CACNA1C: variants seen among roughly 807,000 people sequenced by gnomAD.
The protein encoded by CACNA1C is calcium voltage-gated channel subunit alpha1 C.
In CACNA1C, 30 loss-of-function variants were observed where a neutral mutation model predicts 229.0. The observed-to-expected ratio is 0.13, with a 90% CI of 0.10 to 0.18. CACNA1C has a LOEUF of 0.18. Ranked by LOEUF, CACNA1C falls within the 10% of genes least tolerant of loss-of-function variation. CACNA1C has a pLI of 1.00. For missense variants in CACNA1C, 1,658 were observed against 2,845.0 expected (o/e 0.58, Z 9.49); for synonymous variants, 1,114 against 1,132.5 (o/e 0.98, Z 0.33).
chr12:2,004,497 G>A (rs1460083784), intron 1 of CACNA1C: 1 of 1,526,090 alleles, frequency 6.6e-7, no homozygotes. Flanking sequence ...CGCAGAACGA[G>A]CGAGCTGCCT....
chr12:2,463,138 T>G (rs1470144500), intron 5 of CACNA1C, among the ~76,000 whole-genome samples: 2 of 152,254 alleles, frequency 1.3e-5, no homozygotes, highest in African/African-American at 4.8e-5. Context: ...CTCGATCTCC[T>G]GACCTCGTGA....
At chr12:2,478,780 C>T (rs1034066179) in intron 5 of CACNA1C, among the ~76,000 whole-genome samples, 18 of 152,336 alleles carry the variant, frequency 1.2e-4, no homozygotes, top group African/African-American at 4.3e-4. Context: ...GGTCCCTCTT[C>T]TTCAACCACT....
intron 21 of CACNA1C, among the ~76,000 whole-genome samples, chr12:2,598,093 A>G (rs762751876): frequency 2.0e-5 from 3 of 152,232 alleles, no homozygotes; most frequent in Non-Finnish European, 2.9e-5. Context: ...TAGCAGGGCC[A>G]TTACAGACTA....
At chr12:2,216,856 C>T (rs1489807723) in intron 3 of CACNA1C, among the ~76,000 whole-genome samples, 1 of 152,110 alleles carries the variant, frequency 6.6e-6, no homozygotes, top group East Asian at 1.9e-4. Context: ...AGGCTGAGAC[C>T]AATAGAAAGC....
rs555214464 is a variant in CACNA1C at position 2,249,901 on chromosome 12, C to T, written c.477+129471C>T. Among the ~76,000 whole-genome samples the T allele has an allele frequency of 6.4e-4, 98 of 152,194 alleles. 1 individual carries two copies. Among genetic ancestry groups the T allele is most frequent in the African/African-American group, 2.0e-3 (81 of 41,532 alleles). On this transcript the variant is annotated intron_variant, in intron 3 of 46. Coordinates refer to ENST00000399655, the MANE Select transcript of CACNA1C (RefSeq NM_000719.7). ...TTCTCCTGCCTCAAGCTCCGCCTCCCGGGTTCACACCATTCTCCTGCCTCA... is the reference window on the plus strand; with the variant it reads ...TTCTCCTGCCTCAAGCTCCGCCTCCTGGGTTCACACCATTCTCCTGCCTCA...
At chr12:2,394,579 A>G (rs2098540239) in intron 3 of CACNA1C, among the ~76,000 whole-genome samples, 1 of 152,190 alleles carries the variant, frequency 6.6e-6, no homozygotes, top group Non-Finnish European at 1.5e-5. Context: ...GTGTTTTCAG[A>G]CTGTAAAACC....
intron 3 of CACNA1C, among the ~76,000 whole-genome samples, chr12:2,230,382 C>T (rs916729943): frequency 6.6e-6 from 1 of 152,200 alleles, no homozygotes; most frequent in Admixed American, 6.5e-5. Flanking sequence ...ATGGCGGTCC[C>T]GGAAGGGGAG....
At chr12:2,611,710 G>C (rs924339712) in intron 28 of CACNA1C, among the ~76,000 whole-genome samples, 193 bp from the exon 29 acceptor site, 1 of 152,108 alleles carries the variant, frequency 6.6e-6, no homozygotes, top group African/African-American at 2.4e-5. Flanking sequence ...TTCAGAGATG[G>C]CAGAGCAGGG....
At chr12:2,194,134 C>A (rs1598706977) in intron 3 of CACNA1C, among the ~76,000 whole-genome samples, 1 of 151,878 alleles carries the variant, frequency 6.6e-6, no homozygotes, top group Non-Finnish European at 1.5e-5. Context: ...CCTCTGGCTC[C>A]TCCCACTCTC....
intron 14 of CACNA1C, 53 bp from the exon 15 acceptor site, chr12:2,582,769 G>A: frequency 6.3e-7 from 1 of 1,597,206 alleles, no homozygotes; most frequent in Non-Finnish European, 8.6e-7. Flanking sequence ...GTGGTTTTGG[G>A]TTTGCTGTTG....
chr12:2,582,137 CAAATA>C (rs1374400423), intron 14 of CACNA1C, among the ~76,000 whole-genome samples: 1 of 145,794 alleles, frequency 6.9e-6, no homozygotes, highest in African/African-American at 2.6e-5. Flanking sequence ...GACTCCGTCT[CAAATA>C]AAAAAAAAAA....
At chr12:2,465,683 T>C (rs186144198) in intron 5 of CACNA1C, among the ~76,000 whole-genome samples, 2 of 152,092 alleles carry the variant, frequency 1.3e-5, no homozygotes, top group Non-Finnish European at 2.9e-5. Context: ...ATACAAAACG[T>C]TCAAAAAAAC....
At chr12:1,989,492 T>C (rs1217066158) in intron 1 of CACNA1C, among the ~76,000 whole-genome samples, 8 of 152,234 alleles carry the variant, frequency 5.3e-5, no homozygotes, top group Non-Finnish European at 1.2e-4. Flanking sequence ...AGGTGGGTGA[T>C]CACTTGAAGT....
intron 3 of CACNA1C, among the ~76,000 whole-genome samples, chr12:2,171,752 G>A (rs913592340): frequency 6.6e-6 from 1 of 152,154 alleles, no homozygotes; most frequent in Non-Finnish European, 1.5e-5. Context: ...TTTCAAATAC[G>A]GGTAAGTGCT....
At chr12:2,263,233 G>A (rs549856902) in intron 3 of CACNA1C, among the ~76,000 whole-genome samples, 2 of 151,014 alleles carry the variant, frequency 1.3e-5, no homozygotes, top group East Asian at 1.9e-4. Flanking sequence ...TATGCCCAGC[G>A]TGTCTGGGAG....
intron 8 of CACNA1C, among the ~76,000 whole-genome samples, chr12:2,505,631 C>G (rs11615711): frequency 0.083 from 12,634 of 152,198 alleles, 619 homozygotes; most frequent in Middle Eastern, 0.17. Context: ...TGCCACTGCA[C>G]TGCAGCCTGG....
rs188453548 is a variant in CACNA1C, at chr12:2,246,160, C to T, written c.477+125730C>T. Among the ~76,000 whole-genome samples the T allele has an allele frequency of 1.1e-4, 16 of 152,278 alleles. No individual in the cohort carries two copies. The East Asian group carries it at 2.5e-3, about 24-fold the overall frequency. On this transcript the variant is annotated intron_variant, in intron 3 of 46. Coordinates refer to ENST00000399655, the MANE Select transcript of CACNA1C (RefSeq NM_000719.7). ...AAGAGAAGATGGTGCCGGCAGCAAA[C>T]AGCACAGGGCATGGCGTGGGGACAG... is the stretch of plus-strand genomic sequence containing the variant.
At chr12:2,042,375 A>G (rs2050264123) in intron 1 of CACNA1C, among the ~76,000 whole-genome samples, 1 of 152,206 alleles carries the variant, frequency 6.6e-6, no homozygotes, top group Non-Finnish European at 1.5e-5. Context: ...TTTGGATTGA[A>G]TTTTCATCAC....
chr12:2,607,297 T>C, intron 26 of CACNA1C, 167 bp downstream of exon 26: 1 of 648,490 alleles, frequency 1.5e-6, no homozygotes, highest in Non-Finnish European at 2.5e-6. Flanking sequence ...CAGTCCACTG[T>C]CACTGCTGAA....
Sources: allele counts gnomAD v4.1 joint callset (sites outside exome capture counted in the v4.1 genomes callset), GRCh38; gene constraint gnomAD v4.1.1; transcripts MANE v1.5; gene names NCBI Gene and HGNC (gene_info 2026-07-23, HGNC 2026-07-21).